The following SHANK2 variants were observed in gnomAD, a reference collection of about 807,000 sequenced individuals.
SHANK2 encodes the protein SH3 and multiple ankyrin repeat domains protein 2.
Under a neutral mutation model 133.7 loss-of-function variants are expected in SHANK2, and 43 were observed. The observed-to-expected ratio is 0.32, with a 90% confidence interval of 0.25 to 0.41. The LOEUF (loss-of-function observed/expected upper bound fraction) is 0.41, where lower values mean the gene tolerates loss of function less well. Among genes scored for constraint, SHANK2 ranks in the 10% least tolerant of loss-of-function variants. The probability of loss-of-function intolerance (pLI) is 1.00; values close to 1 mark genes in which losing one functional copy is unlikely to be tolerated. For missense variants in SHANK2, 1,994 were observed against 2,235.8 expected, an observed-to-expected ratio of 0.89 and a Z score of 2.18; for synonymous variants, 1,017 against 952.8, an observed-to-expected ratio of 1.07 and a Z score of -1.24.
At chr11:71,174,389 A>G (rs1246233686) in intron 2 of SHANK2, among the ~76,000 whole-genome samples, 1 of 152,172 alleles carries the variant, frequency 6.6e-6, no homozygotes, top group Non-Finnish European at 1.5e-5. Flanking sequence ...TCTATAAAAA[A>G]TCAAAAATCA....
intron 14 of SHANK2, among the ~76,000 whole-genome samples, chr11:70,745,947 T>C (rs950798290): frequency 1.6e-4 from 25 of 152,312 alleles, no homozygotes; most frequent in Admixed American, 5.2e-4. Context: ...GTGAAACCAT[T>C]TGGGCGCATT....
intron 8 of SHANK2, among the ~76,000 whole-genome samples, chr11:71,088,141 CTG>C (rs1366349843): frequency 4.6e-5 from 7 of 152,178 alleles, no homozygotes; most frequent in Non-Finnish European, 8.8e-5. Flanking sequence ...AGAAAAAAGA[CTG>C]AGGTCCCCTG....
At chr11:70,788,848 G>T (rs1358082933) in intron 14 of SHANK2, among the ~76,000 whole-genome samples, 1 of 152,176 alleles carries the variant, frequency 6.6e-6, no homozygotes, top group Non-Finnish European at 1.5e-5. Flanking sequence ...GATGATAGAG[G>T]AGCAACGCAC....
intron 17 of SHANK2, among the ~76,000 whole-genome samples, chr11:70,574,420 C>T (rs373648929): frequency 2.6e-4 from 40 of 152,236 alleles, no homozygotes; most frequent in African/African-American, 9.4e-4. Context: ...TTGATGCCTG[C>T]TTCTGCTCCA....
chr11:70,907,709 G>A (rs1950127163), intron 10 of SHANK2: 1 of 265,946 alleles, frequency 3.8e-6, no homozygotes, highest in Admixed American at 4.8e-5. Context: ...GATAAGCAGG[G>A]GAAATCTACA....
intron 13 of SHANK2, among the ~76,000 whole-genome samples, chr11:70,803,752 C>T (rs61885467): frequency 0.056 from 8,362 of 148,858 alleles, 332 homozygotes; most frequent in South Asian, 0.16. Context: ...AAAGAACTAT[C>T]GGGAGTGGAG....
At chr11:70,525,177 A>C (rs1554971886) in intron 17 of SHANK2, among the ~76,000 whole-genome samples, 1 of 152,248 alleles carries the variant, frequency 6.6e-6, no homozygotes, top group Non-Finnish European at 1.5e-5. Flanking sequence ...ATCCCAGTGC[A>C]GGCCTCGAGG....
intron 8 of SHANK2, among the ~76,000 whole-genome samples, chr11:71,082,200 C>G (rs1057464542): frequency 4.6e-5 from 7 of 152,210 alleles, no homozygotes; most frequent in African/African-American, 1.7e-4. Context: ...CTGTGGAGCT[C>G]CTGGGCTCTC....
At chr11:70,691,856 T>G (rs1415952092) in intron 15 of SHANK2, among the ~76,000 whole-genome samples, 1 of 152,182 alleles carries the variant, frequency 6.6e-6, no homozygotes, top group Non-Finnish European at 1.5e-5. Context: ...AGCATGCCAT[T>G]GCACTCCAGC....
At chr11:70,527,724 C>T (rs1212808835) in intron 17 of SHANK2, among the ~76,000 whole-genome samples, 5 of 152,158 alleles carry the variant, frequency 3.3e-5, no homozygotes, top group African/African-American at 7.2e-5. Context: ...ACTCAGACTC[C>T]GAGGTCATGG....
chr11:71,130,456 C>T (rs1555103468), intron 3 of SHANK2, among the ~76,000 whole-genome samples: 1 of 152,090 alleles, frequency 6.6e-6, no homozygotes, highest in East Asian at 1.9e-4. Context: ...CTGTTTTGGG[C>T]CCTGTAAAAT....
chr11:70,581,541 A>G (rs2060185202), intron 17 of SHANK2, among the ~76,000 whole-genome samples: 1 of 152,142 alleles, frequency 6.6e-6, no homozygotes, highest in South Asian at 2.1e-4. Flanking sequence ...AAATACAAAA[A>G]TTAACCGGGC....
intron 2 of SHANK2, among the ~76,000 whole-genome samples, chr11:71,195,131 G>A (rs1468565457): frequency 7.2e-5 from 11 of 152,192 alleles, no homozygotes; most frequent in African/African-American, 2.2e-4. Flanking sequence ...GGTGGCTGAC[G>A]CCTGTAATCC....
intron 15 of SHANK2, among the ~76,000 whole-genome samples, chr11:70,678,143 GTGT>G (rs1230693462): frequency 6.6e-6 from 1 of 152,148 alleles, no homozygotes; most frequent in Non-Finnish European, 1.5e-5. Context: ...TTCTTTTGTT[GTGT>G]TGTTGTTTGT....
At chr11:70,727,188 T>C (rs1189914585) in intron 14 of SHANK2, among the ~76,000 whole-genome samples, 1 of 152,266 alleles carries the variant, frequency 6.6e-6, no homozygotes, top group African/African-American at 2.4e-5. Context: ...AGATGACAAA[T>C]CTTGCCTCTG....
intron 17 of SHANK2, among the ~76,000 whole-genome samples, chr11:70,586,665 T>C (rs1554986816): frequency 6.6e-6 from 1 of 152,178 alleles, no homozygotes; most frequent in African/African-American, 2.4e-5. Flanking sequence ...AATGAGAAAT[T>C]TAGCAATTTG....
intron 14 of SHANK2, among the ~76,000 whole-genome samples, chr11:70,709,414 G>A (rs1555025664): frequency 6.6e-6 from 1 of 152,210 alleles, no homozygotes; most frequent in Non-Finnish European, 1.5e-5. Flanking sequence ...CTATTGCCAA[G>A]TCTCCTGCTG....
At chr11:70,661,881 G>A in intron 15 of SHANK2, 6 of 1,440,566 alleles carry the variant, frequency 4.2e-6, no homozygotes, top group Non-Finnish European at 4.8e-6. Context: ...GGCGAGCGTG[G>A]CACAATGAGA....
At chr11:70,837,975 CAAAAAAAAAA>C (rs55862093) in intron 11 of SHANK2, among the ~76,000 whole-genome samples, 32 of 25,174 alleles carry the variant, frequency 1.3e-3, no homozygotes, top group African/African-American at 3.6e-3. Context: ...CATTCTGTCT[CAAAAAAAAAA>C]AAAAAAAAAA....
Sources: allele counts gnomAD v4.1 joint callset (sites outside exome capture counted in the v4.1 genomes callset), GRCh38; gene constraint gnomAD v4.1.1; transcripts MANE v1.5; gene names NCBI Gene and HGNC (gene_info 2026-07-23, HGNC 2026-07-21).